Variants in ZNF8 observed in about 807,000 individuals in gnomAD.
The protein encoded by ZNF8 is zinc finger protein 272.
ZNF8 carries 9 observed loss-of-function variants against 12.2 expected under a neutral mutation model. The observed-to-expected ratio is 0.73, with a 90% CI of 0.44 to 1.28. ZNF8 has a LOEUF of 1.28. Among genes scored for constraint, ZNF8 ranks in the 50% most tolerant of loss-of-function variants. The pLI is 0.00. For synonymous variants in ZNF8, 274 were observed against 282.3 expected (o/e 0.97, Z 0.30); for missense variants, 664 against 729.1 (o/e 0.91, Z 1.03).
At chr19:58,291,155 C>T (rs936075400) in intron 3 of ZNF8, among the ~76,000 whole-genome samples, 30 of 152,218 alleles carry the variant, frequency 2.0e-4, no homozygotes, top group Admixed American at 3.9e-4. Flanking sequence ...CCCTGTCACT[C>T]GTCTGGCATC....
chr19:58,281,599 G>C (rs1186816550), intron 1 of ZNF8, among the ~76,000 whole-genome samples: 1 of 152,136 alleles, frequency 6.6e-6, no homozygotes, highest in Non-Finnish European at 1.5e-5. Context: ...GTGATGATGG[G>C]AGGTGGGGGC....
intron 1 of ZNF8, among the ~76,000 whole-genome samples, chr19:58,281,830 G>A (rs2051352097): frequency 6.6e-6 from 1 of 151,984 alleles, no homozygotes; most frequent in African/African-American, 2.4e-5. Context: ...GAAGTATTTG[G>A]GGCCTGGTGC....
intron 1 of ZNF8, 104 bp downstream of exon 1, chr19:58,279,251 A>G: frequency 6.5e-7 from 1 of 1,531,422 alleles, no homozygotes; most frequent in African/African-American, 1.4e-5. Flanking sequence ...ACCGCTGTTA[A>G]TGCCCTTGAC....
rs1469710117 is a variant in ZNF8 at position 58,294,597 on chromosome 19, G to A, written c.789G>A (p.Gly263=). The A allele has an allele frequency of 3.7e-6, 6 of 1,614,144 alleles. No homozygotes were observed. In the South Asian group the frequency reaches 5.5e-5, roughly 15 times the overall value. ...AACCCTACAAATGTACTGACTGTGG[G>A]AAGTCGTTTAACCATAACGCACACC... ...QDKPYKCTDC[G]KSFNHNAHLT... The change falls in exon 4 of 4, where the codon GGG becomes GGA. Residue 263 remains glycine, a synonymous_variant. Coordinates refer to ENST00000621650, the MANE Select transcript of ZNF8 (RefSeq NM_021089.3). The surrounding 1 kb of genome is among the most constrained non-coding windows in gnomAD (Gnocchi z 5.5).
At position 58,279,003 on chromosome 19, in the gene ZNF8, G is replaced by C; in HGVS notation, c.-79G>C. ...GCCGCCATTGTCCGGCGTTCGGCGA[G>C]TCGGGTGGTCCCTTTGGCTGGAGTG... On this transcript the variant is annotated 5_prime_UTR_variant, in exon 1 of 4. Coordinates refer to ENST00000621650, the MANE Select transcript of ZNF8 (RefSeq NM_021089.3). 2.2e-6 allele frequency: 3 copies of C among 1,347,864 alleles called. No individual in the cohort carries two copies. Among genetic ancestry groups the C allele is most frequent in the Non-Finnish European group, 2.9e-6 (3 of 1,041,636 alleles). 83.5% of individuals were successfully genotyped at this position (1,347,864 alleles called of 1,614,324 possible). A position where few individuals can be genotyped will look rare whatever the true frequency, so the allele number is the denominator to read the frequency against.
At chr19:58,291,134 C>G (rs1178459365) in intron 3 of ZNF8, among the ~76,000 whole-genome samples, 1 of 152,182 alleles carries the variant, frequency 6.6e-6, no homozygotes. Flanking sequence ...GATCTCAAGC[C>G]CCTCCTTGGC....
rs557472861 is a variant in ZNF8 at position 58,296,794 on chromosome 19, T to G, written c.*1258T>G. On this transcript the variant is annotated 3_prime_UTR_variant, in exon 4 of 4. Coordinates refer to ENST00000621650, the MANE Select transcript of ZNF8 (RefSeq NM_021089.3). ...GAGGAAGGGTGCCGCCGTCATGTAG[T>G]GGGTAGAGGCCAGGGACGCTGCTCA... 1 of 152,506 alleles carries G rather than the reference T, an allele frequency of 6.6e-6. No homozygotes were observed. The highest frequency in any genetic ancestry group is 2.1e-4 in the South Asian group (1 of 4,826). The allele number at this position is 152,506 out of a possible 1,614,324, so 9.4% of individuals were successfully genotyped here.
intron 3 of ZNF8, among the ~76,000 whole-genome samples, chr19:58,289,496 A>C (rs2051403861): frequency 6.9e-6 from 1 of 145,308 alleles, no homozygotes; most frequent in African/African-American, 2.6e-5. Flanking sequence ...ACTCTGTCTC[A>C]AAGAAAAAAA....
At position 58,295,307 on chromosome 19, in the gene ZNF8, G is replaced by A. The variant is rs151215307; in HGVS notation, c.1499G>A (p.Arg500Gln). The change falls in exon 4 of 4, where the codon CGG (arginine) becomes CAG (glutamine). Residue 500 changes from arginine to glutamine, a missense_variant. This residue lies in a region of ZNF8 where 225 missense variants were observed against 222.0 expected (regional missense o/e 1.01). Coordinates refer to ENST00000621650, the MANE Select transcript of ZNF8 (RefSeq NM_021089.3). The part of the protein sequence containing the change: ...TREEQPHGRS[R>Q]RREQSSSRNS... ...GAGGAGCAGCCCCATGGGCGAAGCC[G>A]GCGGCGTGAACAATCCTCGAGCAGG... is the stretch of plus-strand genomic sequence containing the variant. 29 of 1,614,206 alleles carry A rather than the reference G, an allele frequency of 1.8e-5. No homozygotes were observed. Among genetic ancestry groups the A allele is most frequent in the Admixed American group, 8.3e-5 (5 of 60,022 alleles).
chr19:58,281,297 G>A (rs1314692598), intron 1 of ZNF8, among the ~76,000 whole-genome samples: 3 of 152,192 alleles, frequency 2.0e-5, no homozygotes, highest in South Asian at 4.1e-4. Context: ...GTGACCAGGT[G>A]TTGGCTGATG....
intron 1 of ZNF8, chr19:58,279,422 A>T: frequency 6.9e-7 from 1 of 1,446,962 alleles, no homozygotes; most frequent in Non-Finnish European, 9.1e-7. Context: ...AGAATCGAGC[A>T]GGCCCATCTC....
Position 58,290,042 on chromosome 19 carries a change from C to T in ZNF8, c.289+3837C>T, listed in dbSNP as rs1198383996. 5.3e-5 allele frequency among the ~76,000 whole-genome samples: 8 copies of T among 151,494 alleles called. 1 individual carries two copies. In the South Asian group the frequency reaches 1.2e-3, roughly 24 times the overall value. ...CAATCTCTTGACCTTGTGATCCGCC[C>T]GCCTCAGCCTCCCAAAGTGCTGGGA... is the stretch of plus-strand genomic sequence containing the variant. On this transcript the variant is annotated intron_variant, in intron 3 of 3. Coordinates refer to ENST00000621650, the MANE Select transcript of ZNF8 (RefSeq NM_021089.3).
At position 58,294,459 on chromosome 19, in the gene ZNF8, C is replaced by T; in HGVS notation, c.651C>T (p.Val217=). 1.2e-6 allele frequency: 2 copies of T among 1,614,154 alleles called. No individual in the cohort carries two copies. Among genetic ancestry groups the T allele is most frequent in the South Asian group, 1.1e-5 (1 of 91,072 alleles). ...ITDSEHNSSL[V]SQQTGSPGKQ... Reference sequence around the variant, plus strand: ...ACTCAGAACATAACTCCAGCTTAGTCAGTCAGCAGACAGGCTCCCCAGGAA... The same window carrying T: ...ACTCAGAACATAACTCCAGCTTAGTTAGTCAGCAGACAGGCTCCCCAGGAA... The change falls in exon 4 of 4, where the codon GTC becomes GTT. Residue 217 remains valine, a synonymous_variant. Transcript: ENST00000621650. This position sits in a 1 kb window ranked among gnomAD's most constrained non-coding sequence, Gnocchi z 5.5.
intron 1 of ZNF8, chr19:58,279,601 A>G: frequency 6.5e-7 from 1 of 1,533,858 alleles, no homozygotes; most frequent in Non-Finnish European, 8.7e-7. Flanking sequence ...GGACCCCAGC[A>G]CCGCGGAGCC....
At chr19:58,293,013 A>G (rs570141006) in intron 3 of ZNF8, among the ~76,000 whole-genome samples, 263 of 149,924 alleles carry the variant, frequency 1.8e-3, no homozygotes, top group Non-Finnish European at 3.2e-3. Context: ...CAGTGGTGTG[A>G]TTTTGGCTCA....
intron 3 of ZNF8, among the ~76,000 whole-genome samples, chr19:58,290,087 C>T (rs189421230): frequency 2.9e-3 from 417 of 145,692 alleles, no homozygotes; most frequent in African/African-American, 0.01. Context: ...TGAGCCACCG[C>T]GCCTGGCCCA....
At chr19:58,285,617 G>C (rs537765974) in intron 1 of ZNF8, 100 bp from the exon 2 acceptor site, 3 of 1,566,136 alleles carry the variant, frequency 1.9e-6, no homozygotes, top group East Asian at 4.5e-5. Flanking sequence ...GCAGTCTCTC[G>C]TGACACAGGC....
rs1413841067 is a variant in ZNF8 at position 58,300,937 on chromosome 19, C to T, written c.*5401C>T. On this transcript the variant is annotated 3_prime_UTR_variant, in exon 4 of 4. Transcript: ENST00000621650. ...CCTTGCATTGTGGGGTTCCTTCTAA[C>T]TCTTCAGGGACTTCTCAACCTCCCG... 1 of 152,390 alleles carries T rather than the reference C, an allele frequency of 6.6e-6. No homozygotes were observed. Among genetic ancestry groups the T allele is most frequent in the Non-Finnish European group, 1.5e-5 (1 of 68,200 alleles). 9.4% of individuals were successfully genotyped at this position (152,390 alleles called of 1,614,324 possible).
At chr19:58,291,753 C>T (rs75872062) in intron 3 of ZNF8, among the ~76,000 whole-genome samples, 195 of 152,252 alleles carry the variant, frequency 1.3e-3, no homozygotes, top group Admixed American at 2.7e-3. Flanking sequence ...GCTCATGCCC[C>T]GGGACTGGCA....
Sources: allele counts gnomAD v4.1 joint callset (sites outside exome capture counted in the v4.1 genomes callset), GRCh38; gene constraint gnomAD v4.1.1; regional missense constraint gnomAD v4.1.1; non-coding constraint Gnocchi (gnomAD v3.1); transcripts MANE v1.5; gene names NCBI Gene and HGNC (gene_info 2026-07-23, HGNC 2026-07-21).